FRMD5: variants seen among roughly 807,000 people sequenced by gnomAD.
The protein encoded by FRMD5 is FERM domain containing 5.
Under a neutral mutation model 69.0 loss-of-function variants are expected in FRMD5, and 20 were observed. The ratio of observed to expected loss-of-function variants is 0.29; its 90% CI spans 0.20 to 0.42. FRMD5 has a LOEUF of 0.42. FRMD5 is among the 10% of genes least tolerant of loss of function. The pLI is 1.00. For missense variants in FRMD5, 595 were observed against 708.6 expected (o/e 0.84, Z 1.82); for synonymous variants, 271 against 260.1 (o/e 1.04, Z -0.40).
chr15:44,014,083 C>A (rs1160096220), intron 1 of FRMD5, among the ~76,000 whole-genome samples: 1 of 152,012 alleles, frequency 6.6e-6, no homozygotes, highest in African/African-American at 2.4e-5. Flanking sequence ...TGATCTCGAT[C>A]TCTGGAGATA....
At chr15:44,096,013 C>T (rs367961621) in intron 1 of FRMD5, among the ~76,000 whole-genome samples, 17 of 152,162 alleles carry the variant, frequency 1.1e-4, no homozygotes, top group African/African-American at 3.9e-4. Context: ...TTGAGACCAG[C>T]TTGACCAACA....
At chr15:44,036,155 A>T (rs1891900222) in intron 1 of FRMD5, among the ~76,000 whole-genome samples, 1 of 152,140 alleles carries the variant, frequency 6.6e-6, no homozygotes, top group African/African-American at 2.4e-5. Context: ...CAAGACCAGA[A>T]ATGCCTACTC....
rs1284197128 is a variant in FRMD5, at chr15:43,873,324, A to C, written c.*561T>G. ...ATTCTACATGGATGTTTACTTTTTT[A>C]AAAGTTCTGGCTGGCAAAAAAAACA... is the stretch of plus-strand genomic sequence containing the variant. On this transcript the variant is annotated 3_prime_UTR_variant, in exon 14 of 14. Transcript: ENST00000417257. 6.7e-7 allele frequency: 1 copy of C among 1,501,666 alleles called. No individual in the cohort carries two copies. The highest frequency in any genetic ancestry group is 8.8e-7 in the Non-Finnish European group (1 of 1,130,990). 93.0% of individuals were successfully genotyped at this position (1,501,666 alleles called of 1,614,324 possible). A position where few individuals can be genotyped will look rare whatever the true frequency, so the allele number is the denominator to read the frequency against.
At chr15:44,040,888 AAGACCCATCAGTGTGCTGTATTCAGG>A (rs1042877313) in intron 1 of FRMD5, among the ~76,000 whole-genome samples, 1 of 151,520 alleles carries the variant, frequency 6.6e-6, no homozygotes, top group African/African-American at 2.4e-5. Flanking sequence ...ATAAAGAGTC[AAGACCCATCAGTGTGCTGTATTCAGG>A]AGACCCATCT....
At position 44,133,498 on chromosome 15, in the gene FRMD5, C is replaced by T. The variant is rs147264131; in HGVS notation, c.102+61455G>A. Among the ~76,000 whole-genome samples the T allele has an allele frequency of 2.2e-3, 332 of 148,258 alleles. 7 individuals are homozygous for T. The East Asian group carries it at 0.057, about 25-fold the overall frequency. ...GGCTGAGGCAGGAGAATGGCATGAA[C>T]CTGGGAGGCAGAGCTTTCAGTGAGC... is the stretch of plus-strand genomic sequence containing the variant. On this transcript the variant is annotated intron_variant, in intron 1 of 13. Transcript: ENST00000417257.
rs1032491513 is a variant in FRMD5 at position 43,872,672 on chromosome 15, T to C, written c.*1213A>G. ...GTCTCTGCCACGGTCACATTCTGTG[T>C]TTTGTAGGCATCTCTTAGAAATCTA... On this transcript the variant is annotated 3_prime_UTR_variant, in exon 14 of 14. Transcript: ENST00000417257. 1 of 155,130 alleles carries C rather than the reference T, an allele frequency of 6.4e-6. No homozygotes were observed. Among genetic ancestry groups the C allele is most frequent in the Non-Finnish European group, 1.4e-5 (1 of 69,902 alleles). 9.6% of individuals were successfully genotyped at this position (155,130 alleles called of 1,614,324 possible).
intron 1 of FRMD5, chr15:43,988,948 C>A: frequency 3.4e-6 from 2 of 588,158 alleles, no homozygotes; most frequent in Non-Finnish European, 6.5e-6. Flanking sequence ...CTGAGTCGAG[C>A]CAAACAAAAC....
rs1431961517 is a variant in FRMD5, at chr15:43,994,698, C to T, written c.103-70389G>A. Among the ~76,000 whole-genome samples, 3 of 152,204 alleles carry T rather than the reference C, an allele frequency of 2.0e-5. No homozygotes were observed. The East Asian group carries it at 5.8e-4, about 29-fold the overall frequency. Reference sequence around the variant, plus strand: ...CTACCAACCTCAGCCTTCCAAAGTGCTAGGATTAAAGGCGTGAGCCACTGC... The same window carrying T: ...CTACCAACCTCAGCCTTCCAAAGTGTTAGGATTAAAGGCGTGAGCCACTGC... On this transcript the variant is annotated intron_variant, in intron 1 of 13. Transcript: ENST00000417257.
At chr15:43,896,484 A>T (rs1357759801) in intron 7 of FRMD5, among the ~76,000 whole-genome samples, 1 of 152,256 alleles carries the variant, frequency 6.6e-6, no homozygotes, top group Non-Finnish European at 1.5e-5. Flanking sequence ...ATTCCTTGTC[A>T]TTCATGTGTT....
upstream of FRMD5, among the ~76,000 whole-genome samples, chr15:44,198,901 G>T (rs1381767271): frequency 1.2e-4 from 18 of 152,042 alleles, no homozygotes; most frequent in Admixed American, 1.2e-3. Flanking sequence ...AATTATAATG[G>T]CTCTGAACCC....
intron 1 of FRMD5, among the ~76,000 whole-genome samples, chr15:44,100,047 C>CT (rs375230009): frequency 0.031 from 3,971 of 129,248 alleles, 189 homozygotes; most frequent in African/African-American, 0.094. Flanking sequence ...TTCTTCTTCT[C>CT]TTTTTTTTTT....
chr15:44,062,726 A>C (rs558240084), intron 1 of FRMD5, among the ~76,000 whole-genome samples: 171 of 151,812 alleles, frequency 1.1e-3, no homozygotes, highest in Non-Finnish European at 2.0e-3. Flanking sequence ...GAGAATGTAC[A>C]TAGGTTACAT....
chr15:43,979,761 T>C (rs1290398708), intron 1 of FRMD5, among the ~76,000 whole-genome samples: 3 of 152,232 alleles, frequency 2.0e-5, no homozygotes. Context: ...TCCAGAATGA[T>C]TGTGCTTTAC....
At chr15:44,150,506 G>A (rs1026054737) in intron 1 of FRMD5, among the ~76,000 whole-genome samples, 11 of 152,008 alleles carry the variant, frequency 7.2e-5, no homozygotes, top group Non-Finnish European at 1.5e-4. Context: ...CAGGCTGGGT[G>A]TGATGGCTGA....
At chr15:44,117,159 T>A (rs984365840) in intron 1 of FRMD5, among the ~76,000 whole-genome samples, 3 of 152,004 alleles carry the variant, frequency 2.0e-5, no homozygotes, top group Non-Finnish European at 2.9e-5. Context: ...ATAGCTAAAA[T>A]GTATTTTGTC....
chr15:44,062,520 G>A (rs938914584), intron 1 of FRMD5, among the ~76,000 whole-genome samples: 11 of 151,832 alleles, frequency 7.2e-5, no homozygotes, highest in Non-Finnish European at 1.5e-4. Flanking sequence ...GTGAAACCCC[G>A]TCTCTACTAA....
chr15:44,039,201 C>A (rs1892072609), intron 1 of FRMD5, among the ~76,000 whole-genome samples: 1 of 152,240 alleles, frequency 6.6e-6, no homozygotes, highest in South Asian at 2.1e-4. Flanking sequence ...ACCCCCATCT[C>A]CCTGGGACAG....
chr15:43,973,366 A>AT (rs1476273005), intron 1 of FRMD5, among the ~76,000 whole-genome samples: 1 of 142,494 alleles, frequency 7.0e-6, no homozygotes, highest in African/African-American at 2.6e-5. Flanking sequence ...GCTAATGCTA[A>AT]TGTTTTTTTT....
In FRMD5 at chr15:44,158,292, G is replaced by A. The variant is rs534436411; in HGVS notation, c.102+36661C>T. On this transcript the variant is annotated intron_variant, in intron 1 of 13. Coordinates refer to ENST00000417257, the MANE Select transcript of FRMD5 (RefSeq NM_032892.5). ...GTTCCCATCTATTTTCTGTTCTAAAGAAAGGAGAAAAAATAGAACAGAAGG... is the reference window on the plus strand; with the variant it reads ...GTTCCCATCTATTTTCTGTTCTAAAAAAAGGAGAAAAAATAGAACAGAAGG... 2.0e-5 allele frequency among the ~76,000 whole-genome samples: 3 copies of A among 152,136 alleles called. 1 individual carries two copies. The highest frequency in any genetic ancestry group is 2.1e-4 in the South Asian group (1 of 4,818).
Sources: gnomAD v4.1 joint callset for allele counts (sites outside exome capture counted in the v4.1 genomes callset) on GRCh38, gnomAD v4.1.1 for gene constraint, MANE v1.5 for transcripts, NCBI Gene and HGNC (gene_info 2026-07-23, HGNC 2026-07-21) for gene names.